Variants in ENPP3 observed in about 807,000 individuals in gnomAD.
ENPP3 encodes ectonucleotide pyrophosphatase/phosphodiesterase family member 3.
A neutral mutation model predicts 117.8 loss-of-function variants in ENPP3; 104 were observed. That is an observed-to-expected ratio of 0.88 (90% CI 0.75 to 1.04). The LOEUF is 1.04. ENPP3 is among the 50% of genes least tolerant of loss of function. The pLI is 0.00. For synonymous variants in ENPP3, 380 were observed against 349.9 expected (o/e 1.09, Z -0.96); for missense variants, 1,026 against 1,051.9 (o/e 0.98, Z 0.34).
chr6:131,674,491 T>C, intron 8 of ENPP3: 1 of 583,790 alleles, frequency 1.7e-6, no homozygotes, highest in Non-Finnish European at 3.1e-6. Flanking sequence ...AACTTGGATA[T>C]TGGGTTATAA....
intron 5 of ENPP3, among the ~76,000 whole-genome samples, chr6:131,653,908 A>G (rs1778319737): frequency 6.6e-6 from 1 of 151,884 alleles, no homozygotes; most frequent in African/African-American, 2.4e-5. Context: ...CCACATGTTT[A>G]TCAGGGCTGC....
intron 11 of ENPP3, among the ~76,000 whole-genome samples, chr6:131,679,023 T>TCTC (rs1290538431): frequency 1.9e-5 from 2 of 107,160 alleles, no homozygotes; most frequent in African/African-American, 4.3e-5. Flanking sequence ...CCTTCCTTCC[T>TCTC]TCCTTCTTTC....
At chr6:131,670,190 C>T (rs1778708978) in intron 6 of ENPP3, among the ~76,000 whole-genome samples, 1 of 152,186 alleles carries the variant, frequency 6.6e-6, no homozygotes, top group African/African-American at 2.4e-5. Flanking sequence ...GTAAAGTTAG[C>T]TTAATTTGTA....
In ENPP3 at chr6:131,726,069, T is replaced by A. The variant is rs778306006; in HGVS notation, c.1822T>A (p.Leu608Met). The change falls in exon 20 of 25, where the codon TTG becomes ATG. Residue 608 changes from leucine (L) to methionine (M), a missense_variant. Coordinates refer to ENST00000357639, the MANE Select transcript of ENPP3 (RefSeq NM_005021.5). The stretch of plus-strand genomic sequence containing the variant: ...AGTAACAGCAACAGTGAAAGTAAAT[T>A]TGCCATTTGGGAGGCCTAGGGTACT... The part of the protein sequence containing the change: ...EEITATVKVN[L>M]PFGRPRVLQK... 6.2e-7 allele frequency: 1 copy of A among 1,612,240 alleles called. No individual in the cohort carries two copies. The highest frequency in any genetic ancestry group is 1.7e-5 in the Admixed American group (1 of 59,826).
At chr6:131,720,607 A>T (rs1366399202) in intron 17 of ENPP3, among the ~76,000 whole-genome samples, 7 of 152,058 alleles carry the variant, frequency 4.6e-5, no homozygotes, top group Non-Finnish European at 1.0e-4. Flanking sequence ...TTTGAGATGG[A>T]GTCTTGCTCT....
intron 6 of ENPP3, among the ~76,000 whole-genome samples, chr6:131,670,753 A>G (rs1451219424): frequency 6.6e-6 from 1 of 152,110 alleles, no homozygotes; most frequent in Non-Finnish European, 1.5e-5. Flanking sequence ...CAGCCTCCCA[A>G]AGTGCTGAGA....
rs182059494 is a variant in ENPP3 at position 131,679,086 on chromosome 6, T to C, written c.1011+1146T>C. Among the ~76,000 whole-genome samples, 662 of 115,394 alleles carry C rather than the reference T, an allele frequency of 5.7e-3. 35 individuals are homozygous for C. Among genetic ancestry groups the C allele is most frequent in the African/African-American group, 0.016 (422 of 25,894 alleles). 75.7% of individuals were successfully genotyped at this position (115,394 alleles called of 152,430 possible). A position where few individuals can be genotyped will look rare whatever the true frequency, so the allele number is the denominator to read the frequency against. ...CTTTCTTTCTTTCTTTCTTTCTTTCTTTTCTTCTTTCTTTCTTTCCTTTTT... is the reference window on the plus strand; with the variant it reads ...CTTTCTTTCTTTCTTTCTTTCTTTCCTTTCTTCTTTCTTTCTTTCCTTTTT... On this transcript the variant is annotated intron_variant, in intron 11 of 24. Transcript: ENST00000357639.
At chr6:131,737,162 T>C (rs1780414053) in intron 21 of ENPP3, among the ~76,000 whole-genome samples, 193 bp from the exon 22 acceptor site, 1 of 152,238 alleles carries the variant, frequency 6.6e-6, no homozygotes, top group Admixed American at 6.5e-5. Flanking sequence ...TGGATGTATC[T>C]TTTTTGGATC....
At chr6:131,686,794 T>C (rs1779162868) in intron 14 of ENPP3, among the ~76,000 whole-genome samples, 1 of 152,192 alleles carries the variant, frequency 6.6e-6, no homozygotes, top group South Asian at 2.1e-4. Context: ...TTAATTTGCT[T>C]AGGATTATGG....
At position 131,733,671 on chromosome 6, in the gene ENPP3, T is replaced by C. The variant is rs1391005006; in HGVS notation, c.2037T>C (p.Cys679=). Residue 679 remains cysteine (C), a synonymous_variant, in exon 21 of 25, where the codon TGT becomes TGC. Coordinates refer to ENST00000357639, the MANE Select transcript of ENPP3 (RefSeq NM_005021.5). ...TTCCTCCTTCTGAGAGCCAAAAATG[T>C]TCCTTCTATTTAGCAGACAAGAATA... ...VRVPPSESQK[C]SFYLADKNIT... 6.2e-7 allele frequency: 1 copy of C among 1,614,134 alleles called. No individual in the cohort carries two copies. The highest frequency in any genetic ancestry group is 8.5e-7 in the Non-Finnish European group (1 of 1,180,010).
intron 23 of ENPP3, among the ~76,000 whole-genome samples, chr6:131,739,641 A>G (rs1780483944): frequency 1.2e-5 from 1 of 86,280 alleles, no homozygotes; most frequent in African/African-American, 4.6e-5. Flanking sequence ...TTTTCATGTT[A>G]GAATGACCAA....
At chr6:131,718,540 ATATAT>A (rs1338232076) in intron 15 of ENPP3, 127 bp from the exon 16 acceptor site, 2 of 418,234 alleles carry the variant, frequency 4.8e-6, no homozygotes, top group Admixed American at 4.2e-5. Context: ...TGATAGAAAA[ATATAT>A]TATTCTGTTG....
chr6:131,717,954 A>G (rs1585711699), intron 15 of ENPP3, among the ~76,000 whole-genome samples: 1 of 152,188 alleles, frequency 6.6e-6, no homozygotes, highest in African/African-American at 2.4e-5. Context: ...CATGCTGTAC[A>G]GGTTTGTAGC....
chr6:131,724,119 T>C, intron 19 of ENPP3, 28 bp downstream of exon 19: 1 of 1,541,378 alleles, frequency 6.5e-7, no homozygotes, highest in South Asian at 1.1e-5. Context: ...ATGTTAAGTC[T>C]TTGATATTTA....
intron 10 of ENPP3, among the ~76,000 whole-genome samples, chr6:131,677,408 A>T (rs1029514467): frequency 1.3e-5 from 2 of 152,194 alleles, no homozygotes; most frequent in African/African-American, 4.8e-5. Flanking sequence ...ACACTCAGTT[A>T]TAAGGATAGA....
chr6:131,637,344 A>G lies in ENPP3; in HGVS notation c.-41A>G, dbSNP rs371401220. ...CAGACTAGACTAAAGAAGGAGCACT[A>G]ATTTATTCTGATAAAACAGGTCTAT... is the stretch of plus-strand genomic sequence containing the variant. On this transcript the variant is annotated 5_prime_UTR_variant, in exon 1 of 25. Coordinates refer to ENST00000357639, the MANE Select transcript of ENPP3 (RefSeq NM_005021.5). 7.1e-5 allele frequency: 92 copies of G among 1,296,074 alleles called. No individual in the cohort carries two copies. The highest frequency in any genetic ancestry group is 1.9e-4 in the Middle Eastern group (1 of 5,342). 80.3% of individuals were successfully genotyped at this position (1,296,074 alleles called of 1,614,324 possible). A position where few individuals can be genotyped will look rare whatever the true frequency, so the allele number is the denominator to read the frequency against.
intron 15 of ENPP3, chr6:131,700,972 C>T (rs1356516251): frequency 1.5e-5 from 9 of 594,458 alleles, no homozygotes; most frequent in Admixed American, 3.5e-5. Flanking sequence ...GAAGTCACCG[C>T]GAGGGTGATG....
intron 12 of ENPP3, among the ~76,000 whole-genome samples, chr6:131,684,258 A>T: frequency 6.6e-6 from 1 of 152,248 alleles, no homozygotes; most frequent in Non-Finnish European, 1.5e-5. Context: ...GAGCATCCAG[A>T]TAATGGGAAA....
At chr6:131,645,088 A>G (rs1219292829) in intron 2 of ENPP3, among the ~76,000 whole-genome samples, 1 of 152,206 alleles carries the variant, frequency 6.6e-6, no homozygotes, top group African/African-American at 2.4e-5. Context: ...ACTCTTTGGC[A>G]TGTACCCAAC....
Sources: gnomAD v4.1 joint callset for allele counts (sites outside exome capture counted in the v4.1 genomes callset) on GRCh38, gnomAD v4.1.1 for gene constraint, MANE v1.5 for transcripts, NCBI Gene and HGNC (gene_info 2026-07-23, HGNC 2026-07-21) for gene names.